The following GRIA4 variants were observed in gnomAD, a reference collection of about 807,000 sequenced individuals.
The protein encoded by GRIA4 is glutamate receptor 4.
GRIA4 carries 34 observed loss-of-function variants against 104.0 expected under a neutral mutation model. That is an observed-to-expected ratio of 0.33 (90% confidence interval 0.25 to 0.44). The LOEUF (loss-of-function observed/expected upper bound fraction) is 0.44, where lower values mean the gene tolerates loss of function less well. Among genes scored for constraint, GRIA4 ranks in the 20% least tolerant of loss-of-function variants. GRIA4 has a pLI of 1.00. For synonymous variants in GRIA4, 386 were observed against 381.9 expected, an observed-to-expected ratio of 1.01 and a Z score of -0.13; for missense variants, 750 against 1,096.5, an observed-to-expected ratio of 0.68 and a Z score of 4.46.
chr11:105,742,604 A>G (rs868125567), intron 3 of GRIA4, among the ~76,000 whole-genome samples: 1,767 of 151,034 alleles, frequency 0.012, 41 homozygotes, highest in African/African-American at 0.036. Context: ...ATATATATAT[A>G]TGTGTGTGTG....
chr11:105,634,091 G>T (rs1031187995), intron 3 of GRIA4, among the ~76,000 whole-genome samples: 4 of 152,072 alleles, frequency 2.6e-5, no homozygotes, highest in African/African-American at 9.7e-5. Context: ...GCTCATGCCT[G>T]TAATCCCAGC....
intron 3 of GRIA4, among the ~76,000 whole-genome samples, chr11:105,743,257 G>A (rs1219992416): frequency 2.6e-5 from 4 of 152,208 alleles, no homozygotes; most frequent in East Asian, 1.9e-4. Flanking sequence ...TTCAGCATAT[G>A]CTTACACTAC....
intron 4 of GRIA4, among the ~76,000 whole-genome samples, chr11:105,858,156 T>A (rs1313989244): frequency 6.6e-6 from 1 of 152,198 alleles, no homozygotes; most frequent in South Asian, 2.1e-4. Context: ...ATTACTATTA[T>A]AATCTAATAA....
chr11:105,873,717 T>A (rs907620055), intron 5 of GRIA4, among the ~76,000 whole-genome samples: 1 of 152,230 alleles, frequency 6.6e-6, no homozygotes, highest in African/African-American at 2.4e-5. Flanking sequence ...AAAAATGTCT[T>A]CTTTTGAGAA....
chr11:105,797,078 G>A (rs907377848), intron 4 of GRIA4, among the ~76,000 whole-genome samples: 2 of 152,002 alleles, frequency 1.3e-5, no homozygotes, highest in African/African-American at 4.8e-5. Flanking sequence ...GCATGGTGGT[G>A]CATGCTTATA....
intron 5 of GRIA4, among the ~76,000 whole-genome samples, chr11:105,877,705 T>C (rs1945883777): frequency 6.6e-6 from 1 of 152,206 alleles, no homozygotes; most frequent in Non-Finnish European, 1.5e-5. Context: ...AATTCAGCTA[T>C]TGATATTTGT....
At chr11:105,697,030 C>A (rs1953304643) in intron 3 of GRIA4, among the ~76,000 whole-genome samples, 1 of 152,158 alleles carries the variant, frequency 6.6e-6, no homozygotes, top group Admixed American at 6.5e-5. Context: ...TCCCAAAGTG[C>A]TGGAATTATA....
chr11:105,912,161 T>C, intron 10 of GRIA4: 1 of 1,017,304 alleles, frequency 9.8e-7, no homozygotes, highest in Non-Finnish European at 1.2e-6. Context: ...GACATATCAA[T>C]TCCCCTATCT....
At chr11:105,635,443 A>G (rs1014164819) in intron 3 of GRIA4, among the ~76,000 whole-genome samples, 1 of 152,186 alleles carries the variant, frequency 6.6e-6, no homozygotes, top group African/African-American at 2.4e-5. Flanking sequence ...AATATATATT[A>G]TATTTTTCAT....
intron 7 of GRIA4, among the ~76,000 whole-genome samples, chr11:105,902,523 T>C (rs1053934999): frequency 5.3e-5 from 8 of 151,944 alleles, no homozygotes; most frequent in African/African-American, 1.2e-4. Context: ...TTTGTAGGGA[T>C]GGGGTGTGGC....
intron 4 of GRIA4, among the ~76,000 whole-genome samples, chr11:105,840,254 A>C (rs1418729701): frequency 6.6e-6 from 1 of 152,180 alleles, no homozygotes. Flanking sequence ...AAGTGAACCA[A>C]ATTTTTGGTC....
At chr11:105,651,921 C>A (rs552331981) in intron 3 of GRIA4, among the ~76,000 whole-genome samples, 93 of 152,066 alleles carry the variant, frequency 6.1e-4, no homozygotes, top group African/African-American at 2.0e-3. Context: ...GGTCCAAATA[C>A]AAAGTAATGC....
At chr11:105,623,107 C>A (rs1950796466) in intron 3 of GRIA4, among the ~76,000 whole-genome samples, 1 of 140,466 alleles carries the variant, frequency 7.1e-6, no homozygotes, top group Non-Finnish European at 1.5e-5. Context: ...TTTTCCTTAT[C>A]CAGTCCTCCA....
chr11:105,738,004 T>C (rs184692069), intron 3 of GRIA4, among the ~76,000 whole-genome samples: 1 of 151,840 alleles, frequency 6.6e-6, no homozygotes, highest in Non-Finnish European at 1.5e-5. Context: ...ATATAATAAG[T>C]TCCCCCTCCC....
chr11:105,878,780 G>A (rs889226771), intron 5 of GRIA4, among the ~76,000 whole-genome samples: 4 of 152,334 alleles, frequency 2.6e-5, no homozygotes, highest in Non-Finnish European at 5.9e-5. Context: ...TCAGACTGCT[G>A]TGCTGGCAGC....
intron 4 of GRIA4, among the ~76,000 whole-genome samples, chr11:105,775,868 CT>C (rs1034248188): frequency 1.3e-5 from 2 of 151,810 alleles, no homozygotes; most frequent in Non-Finnish European, 2.9e-5. Flanking sequence ...TTTTCTCAAT[CT>C]TTTTTGAGAA....
chr11:105,952,405 A>C (rs903082619), intron 14 of GRIA4, among the ~76,000 whole-genome samples: 1 of 152,206 alleles, frequency 6.6e-6, no homozygotes, highest in Admixed American at 6.5e-5. Flanking sequence ...CATGAAGCTA[A>C]GTTTCATGAA....
chr11:105,975,880 T>G (rs957668342), intron 16 of GRIA4, among the ~76,000 whole-genome samples: 2 of 152,126 alleles, frequency 1.3e-5, no homozygotes, highest in East Asian at 3.8e-4. Context: ...AATTAGTGAC[T>G]GAGTACAATA....
chr11:105,912,127 G>A, intron 10 of GRIA4: 1 of 1,073,504 alleles, frequency 9.3e-7, no homozygotes, highest in Non-Finnish European at 1.1e-6. Context: ...AATAGATGTT[G>A]ACAAAGAATC....
Sources: allele counts gnomAD v4.1 joint callset (sites outside exome capture counted in the v4.1 genomes callset), GRCh38; gene constraint gnomAD v4.1.1; transcripts MANE v1.5; gene names NCBI Gene and HGNC (gene_info 2026-07-23, HGNC 2026-07-21).